PTPRR: variants seen among roughly 807,000 people sequenced by gnomAD.
PTPRR encodes the protein protein tyrosine phosphatase receptor type R, also known as receptor-type tyrosine-protein phosphatase R.
In PTPRR, 38 loss-of-function variants were observed where a neutral mutation model predicts 77.2. That is an observed-to-expected ratio of 0.49 (90% CI 0.38 to 0.65). The LOEUF (loss-of-function observed/expected upper bound fraction) is 0.65. Ranked by LOEUF, PTPRR falls within the 30% of genes least tolerant of loss-of-function variation. PTPRR has a pLI of 0.00. For missense variants in PTPRR, 744 were observed against 799.2 expected (o/e 0.93, Z 0.83); for synonymous variants, 299 against 283.1 (o/e 1.06, Z -0.57).
At chr12:70,891,563 T>C (rs1893335890) in intron 2 of PTPRR, among the ~76,000 whole-genome samples, 1 of 152,120 alleles carries the variant, frequency 6.6e-6, no homozygotes, top group Non-Finnish European at 1.5e-5. Context: ...TGTTCTTAGC[T>C]TATGATTTTT....
chr12:70,794,246 C>T (rs1271081285), intron 2 of PTPRR, among the ~76,000 whole-genome samples: 3 of 152,180 alleles, frequency 2.0e-5, no homozygotes, highest in African/African-American at 7.2e-5. Context: ...GCCAAAAATA[C>T]AGACCTAATA....
intron 6 of PTPRR, among the ~76,000 whole-genome samples, chr12:70,715,185 C>T (rs1169579846): frequency 1.3e-5 from 2 of 152,048 alleles, no homozygotes; most frequent in East Asian, 3.9e-4. Flanking sequence ...GGAGATATCA[C>T]ATGTCAGTAG....
chr12:70,805,432 T>C (rs1468312684), intron 2 of PTPRR, among the ~76,000 whole-genome samples: 4 of 152,154 alleles, frequency 2.6e-5, no homozygotes, highest in Non-Finnish European at 5.9e-5. Context: ...GAGTCAGCTA[T>C]GATCCTGGGC....
chr12:70,867,898 C>G (rs1410188948), intron 2 of PTPRR, among the ~76,000 whole-genome samples: 2 of 152,176 alleles, frequency 1.3e-5, no homozygotes, highest in South Asian at 2.1e-4. Context: ...CTACAACCAT[C>G]TGATCTTTGA....
chr12:70,764,081 C>A (rs1013211096), intron 3 of PTPRR, among the ~76,000 whole-genome samples: 1 of 151,018 alleles, frequency 6.6e-6, no homozygotes, highest in Non-Finnish European at 1.5e-5. Flanking sequence ...CCTGGACTAC[C>A]AATTCCTGCA....
chr12:70,855,073 C>A (rs895488161), intron 2 of PTPRR, among the ~76,000 whole-genome samples: 3 of 152,096 alleles, frequency 2.0e-5, no homozygotes, highest in Non-Finnish European at 4.4e-5. Flanking sequence ...CTTTTTAAAG[C>A]ACTGTGAAAT....
At chr12:70,764,008 C>CTTTT (rs1249116948) in intron 3 of PTPRR, among the ~76,000 whole-genome samples, 1 of 132,198 alleles carries the variant, frequency 7.6e-6, no homozygotes, top group Non-Finnish European at 1.6e-5. Flanking sequence ...TTTGGGTTTA[C>CTTTT]TTTTTTTTTT....
intron 2 of PTPRR, among the ~76,000 whole-genome samples, chr12:70,879,845 AAAGT>A (rs1005062925): frequency 4.5e-4 from 68 of 152,312 alleles, no homozygotes; most frequent in African/African-American, 1.5e-3. Flanking sequence ...AATTGAATAA[AAAGT>A]AAGGAAATAA....
chr12:70,683,974 A>G (rs1428399456), intron 10 of PTPRR, among the ~76,000 whole-genome samples, 153 bp downstream of exon 10: 1 of 152,214 alleles, frequency 6.6e-6, no homozygotes, highest in Non-Finnish European at 1.5e-5. Flanking sequence ...GGATAATAGC[A>G]CTTATTATAT....
At chr12:70,673,056 A>C in intron 10 of PTPRR, 1 of 1,184,666 alleles carries the variant, frequency 8.4e-7, no homozygotes, top group Non-Finnish European at 1.1e-6. Context: ...AAAAGAAAGA[A>C]AGAAAGAAAT....
intron 2 of PTPRR, among the ~76,000 whole-genome samples, chr12:70,864,935 C>T (rs1892816041): frequency 6.6e-6 from 1 of 152,136 alleles, no homozygotes; most frequent in Non-Finnish European, 1.5e-5. Context: ...CCTTAGCCTC[C>T]TGAGTAGCTG....
chr12:70,654,538 GA>G (rs1170688085), intron 13 of PTPRR, among the ~76,000 whole-genome samples: 2 of 151,940 alleles, frequency 1.3e-5, no homozygotes, highest in African/African-American at 4.8e-5. Flanking sequence ...CTGTCTCCAG[GA>G]AAAAAAGAAA....
rs1565695682 is a variant in PTPRR, at chr12:70,783,876, CG to C, written c.358-19099del. On this transcript the variant is annotated intron_variant, in intron 2 of 13. Coordinates refer to ENST00000283228, the MANE Select transcript of PTPRR (RefSeq NM_002849.4). ...GTGTGGGGGGGACGGGGGGGGGGGGCGGGGGGCGGGGGTTGGCACGTCAGCA... is the reference window on the plus strand; with the variant it reads ...GTGTGGGGGGGACGGGGGGGGGGGGCGGGGGCGGGGGTTGGCACGTCAGCA... Among the ~76,000 whole-genome samples the C allele has an allele frequency of 6.3e-3, 43 of 6,808 alleles. 2 individuals are homozygous for C. The highest frequency in any genetic ancestry group is 0.03 in the African/African-American group (36 of 1,184). The allele number at this position is 6,808 out of a possible 152,430, so 4.5% of individuals were successfully genotyped here.
chr12:70,666,646 C>T (rs144612091), intron 10 of PTPRR, among the ~76,000 whole-genome samples: 4 of 152,146 alleles, frequency 2.6e-5, no homozygotes, highest in African/African-American at 9.6e-5. Flanking sequence ...AGAAATTTGT[C>T]TCTAAGTTAA....
chr12:70,920,614 G>C lies in PTPRR; in HGVS notation c.-224C>G. On this transcript the variant is annotated 5_prime_UTR_variant, in exon 1 of 14. Coordinates refer to ENST00000283228, the MANE Select transcript of PTPRR (RefSeq NM_002849.4). ...AGCAGTAGGAGGTTGCGGGTAAGGGGAACAGAAGCGCTCAGAGGCGGCAAA... is the reference window on the plus strand; with the variant it reads ...AGCAGTAGGAGGTTGCGGGTAAGGGCAACAGAAGCGCTCAGAGGCGGCAAA... The C allele has an allele frequency of 2.0e-6, 1 of 488,266 alleles. No individual in the cohort carries two copies. The highest frequency in any genetic ancestry group is 2.3e-5 in the South Asian group (1 of 44,102). 30.2% of individuals were successfully genotyped at this position (488,266 alleles called of 1,614,324 possible). A position where few individuals can be genotyped will look rare whatever the true frequency, so the allele number is the denominator to read the frequency against.
intron 6 of PTPRR, among the ~76,000 whole-genome samples, chr12:70,723,630 G>A (rs1027229021): frequency 6.6e-6 from 1 of 152,072 alleles, no homozygotes; most frequent in Non-Finnish European, 1.5e-5. Context: ...TACAAATATA[G>A]GTTGCAAATA....
At chr12:70,833,185 G>C (rs1045773612) in intron 2 of PTPRR, among the ~76,000 whole-genome samples, 2 of 152,112 alleles carry the variant, frequency 1.3e-5, no homozygotes, top group African/African-American at 4.8e-5. Context: ...TTTGAGGGGA[G>C]ATGGACTTTA....
Position 70,863,719 on chromosome 12 carries a change from G to C in PTPRR, c.357+28960C>G, listed in dbSNP as rs145938742. ...TTCATAACAGGGTGAAATATTTCTT[G>C]GGTATTTTCATCACTGTTTTTGTGT... On this transcript the variant is annotated intron_variant, in intron 2 of 13. Coordinates refer to ENST00000283228, the MANE Select transcript of PTPRR (RefSeq NM_002849.4). Among the ~76,000 whole-genome samples the C allele has an allele frequency of 9.6e-3, 1,431 of 149,834 alleles. 13 individuals are homozygous for C. Among genetic ancestry groups the C allele is most frequent in the Non-Finnish European group, 0.016 (1,034 of 66,314 alleles).
At position 70,892,576 on chromosome 12, in the gene PTPRR, G is replaced by T. The variant is rs993487228; in HGVS notation, c.357+103C>A. 9.8e-6 allele frequency: 13 copies of T among 1,323,742 alleles called. No individual in the cohort carries two copies. In the East Asian group the frequency reaches 2.8e-4, roughly 28 times the overall value. 82.0% of individuals were successfully genotyped at this position (1,323,742 alleles called of 1,614,324 possible). On this transcript the variant is annotated intron_variant, in intron 2 of 13. Transcript: ENST00000283228. ...AAGTGCTGTGGTACATACCCGTTGG[G>T]ATTCATTGATAACTATTCACAATCA...
Sources: allele counts gnomAD v4.1 joint callset (sites outside exome capture counted in the v4.1 genomes callset), GRCh38; gene constraint gnomAD v4.1.1; transcripts MANE v1.5; gene names NCBI Gene and HGNC (gene_info 2026-07-23, HGNC 2026-07-21).